The following ITFG1 variants were observed in gnomAD, a reference collection of about 807,000 sequenced individuals.
ITFG1 encodes the protein integrin alpha FG-GAP repeat containing 1.
In ITFG1, 34 loss-of-function variants were observed where a neutral mutation model predicts 81.8. The observed-to-expected ratio is 0.42, with a 90% confidence interval of 0.32 to 0.55. The LOEUF (loss-of-function observed/expected upper bound fraction) is 0.55, where lower values mean the gene tolerates loss of function less well. Ranked by LOEUF, ITFG1 falls within the 20% of genes least tolerant of loss-of-function variation. ITFG1 has a pLI of 0.17. For missense variants in ITFG1, 672 were observed against 755.4 expected (o/e 0.89, Z 1.29); for synonymous variants, 285 against 270.6 (o/e 1.05, Z -0.52).
At chr16:47,411,014 AC>A (rs1968803843) in intron 6 of ITFG1, among the ~76,000 whole-genome samples, 1 of 151,932 alleles carries the variant, frequency 6.6e-6, no homozygotes. Flanking sequence ...CCACAGCACA[AC>A]CTCCGCTGAG....
chr16:47,329,924 A>G (rs1384661607), intron 8 of ITFG1, among the ~76,000 whole-genome samples: 4 of 152,188 alleles, frequency 2.6e-5, no homozygotes, highest in Non-Finnish European at 5.9e-5. Context: ...TAAGACACTC[A>G]GAAGTGTCAA....
intron 14 of ITFG1, among the ~76,000 whole-genome samples, chr16:47,189,032 G>A (rs1428649135): frequency 6.6e-6 from 1 of 152,074 alleles, no homozygotes; most frequent in African/African-American, 2.4e-5. Context: ...CTAAAGTGCT[G>A]GGATTACAGG....
At position 47,290,801 on chromosome 16, in the gene ITFG1, A is replaced by T. The variant is rs146536244; in HGVS notation, c.1070+20439T>A. 1.8e-4 allele frequency among the ~76,000 whole-genome samples: 28 copies of T among 152,306 alleles called. No individual in the cohort carries two copies. In the East Asian group the frequency reaches 5.4e-3, roughly 29 times the overall value. ...TAAGTGGGAAATTTAATGCAGGTAC[A>T]TTCAAGGTTATTACTGATAGGTGAA... On this transcript the variant is annotated intron_variant, in intron 10 of 17. Transcript: ENST00000320640.
intron 10 of ITFG1, among the ~76,000 whole-genome samples, chr16:47,292,450 G>A (rs1431314501): frequency 1.3e-5 from 2 of 152,128 alleles, no homozygotes; most frequent in African/African-American, 4.8e-5. Flanking sequence ...GTGCCAGTTG[G>A]GAATAGTGTG....
chr16:47,243,678 G>C (rs751875863), intron 12 of ITFG1, among the ~76,000 whole-genome samples: 18 of 152,176 alleles, frequency 1.2e-4, no homozygotes, highest in Non-Finnish European at 2.5e-4. Context: ...TGACTTGAAA[G>C]GGGGCTTATA....
intron 8 of ITFG1, among the ~76,000 whole-genome samples, chr16:47,350,114 A>C (rs545775185): frequency 5.7e-4 from 87 of 152,362 alleles, no homozygotes; most frequent in Non-Finnish European, 8.5e-4. Flanking sequence ...AGAAAGAAGG[A>C]AAGATCTAAA....
At chr16:47,224,063 T>G (rs1965728991) in intron 13 of ITFG1, among the ~76,000 whole-genome samples, 1 of 78,890 alleles carries the variant, frequency 1.3e-5, no homozygotes, top group South Asian at 5.2e-4. Flanking sequence ...TGGGGACTGT[T>G]GTGGGGTGGG....
intron 10 of ITFG1, among the ~76,000 whole-genome samples, chr16:47,272,406 T>C (rs184284536): frequency 1.3e-5 from 2 of 151,412 alleles, no homozygotes; most frequent in East Asian, 1.9e-4. Flanking sequence ...TATGAATACA[T>C]TTTTTTTTAA....
At chr16:47,200,940 A>G (rs889745278) in intron 14 of ITFG1, among the ~76,000 whole-genome samples, 3 of 152,228 alleles carry the variant, frequency 2.0e-5, no homozygotes, top group Non-Finnish European at 2.9e-5. Flanking sequence ...TACATCACCA[A>G]TTTACTAAAT....
At chr16:47,194,955 T>C (rs968412663) in intron 14 of ITFG1, among the ~76,000 whole-genome samples, 1 of 152,124 alleles carries the variant, frequency 6.6e-6, no homozygotes, top group Non-Finnish European at 1.5e-5. Flanking sequence ...GTTTGCTGTA[T>C]ATGTGCACCA....
At chr16:47,161,941 G>C (rs1355838598) in intron 15 of ITFG1, 109 bp from the exon 16 acceptor site, 1 of 726,848 alleles carries the variant, frequency 1.4e-6, no homozygotes, top group East Asian at 2.8e-5. Flanking sequence ...TCAAATTCTA[G>C]GTATGGATTA....
intron 6 of ITFG1, among the ~76,000 whole-genome samples, chr16:47,404,614 G>T (rs1055078214): frequency 6.6e-6 from 1 of 151,802 alleles, no homozygotes; most frequent in Non-Finnish European, 1.5e-5. Flanking sequence ...CTTCTCTATA[G>T]TTTATGACAC....
chr16:47,459,035 C>T, intron 2 of ITFG1, 68 bp downstream of exon 2: 1 of 944,762 alleles, frequency 1.1e-6, no homozygotes, highest in African/African-American at 1.6e-5. Flanking sequence ...GACAACCAAT[C>T]AGCTACTGCA....
chr16:47,313,214 G>A (rs1452970599), intron 9 of ITFG1: 1 of 151,984 alleles, frequency 6.6e-6, no homozygotes, highest in Non-Finnish European at 1.5e-5. Flanking sequence ...AAGTCAATAC[G>A]TTATTCTATC....
chr16:47,222,299 T>G (rs1220765972), intron 13 of ITFG1, among the ~76,000 whole-genome samples: 7 of 152,082 alleles, frequency 4.6e-5, no homozygotes, highest in African/African-American at 1.7e-4. Flanking sequence ...TTTGTTCTCG[T>G]TGGTTTCAAA....
In ITFG1 at chr16:47,155,499, G is replaced by A; in HGVS notation, c.*220C>T. Reference sequence around the variant, plus strand: ...TTCCACAAAGGAACAAAAATGTACAGCACTACAGAATAGAGAACCCAAATT... The same window carrying A: ...TTCCACAAAGGAACAAAAATGTACAACACTACAGAATAGAGAACCCAAATT... On this transcript the variant is annotated 3_prime_UTR_variant, in exon 18 of 18. Transcript: ENST00000320640. 2.8e-6 allele frequency: 1 copy of A among 353,680 alleles called. No individual in the cohort carries two copies. The highest frequency in any genetic ancestry group is 5.0e-6 in the Non-Finnish European group (1 of 198,380). The allele number at this position is 353,680 out of a possible 1,614,324, so 21.9% of individuals were successfully genotyped here.
At chr16:47,413,062 T>C (rs1230034307) in intron 6 of ITFG1, among the ~76,000 whole-genome samples, 3 of 151,948 alleles carry the variant, frequency 2.0e-5, no homozygotes, top group East Asian at 3.9e-4. Context: ...ACAAGACACA[T>C]AGTTATCAGA....
intron 14 of ITFG1, among the ~76,000 whole-genome samples, chr16:47,189,086 G>C (rs908473844): frequency 2.6e-5 from 4 of 152,168 alleles, no homozygotes; most frequent in African/African-American, 9.7e-5. Context: ...TTTAATGAAG[G>C]TTCTTCTAAT....
intron 8 of ITFG1, among the ~76,000 whole-genome samples, chr16:47,339,885 T>C (rs1048879601): frequency 6.6e-6 from 1 of 151,860 alleles, no homozygotes; most frequent in East Asian, 1.9e-4. Context: ...CCACATACGA[T>C]ACTCTCAAAG....
Sources: gnomAD v4.1 joint callset for allele counts (sites outside exome capture counted in the v4.1 genomes callset) on GRCh38, gnomAD v4.1.1 for gene constraint, MANE v1.5 for transcripts, NCBI Gene and HGNC (gene_info 2026-07-23, HGNC 2026-07-21) for gene names.